The following PARD3B variants were observed in gnomAD, a reference collection of about 807,000 sequenced individuals.
The protein encoded by PARD3B is par-3 family cell polarity regulator beta, also known as partitioning defective 3 homolog B.
In PARD3B, 103 loss-of-function variants were observed where a neutral mutation model predicts 130.2. The ratio of observed to expected loss-of-function variants is 0.79; its 90% confidence interval spans 0.67 to 0.93. The LOEUF (loss-of-function observed/expected upper bound fraction) is 0.93, where lower values mean the gene tolerates loss of function less well. PARD3B is among the 40% of genes least tolerant of loss of function. The probability of loss-of-function intolerance (pLI) is 0.00; values close to 1 mark genes in which losing one functional copy is unlikely to be tolerated. For missense variants in PARD3B, 1,609 were observed against 1,499.2 expected (o/e 1.07, Z -1.21); for synonymous variants, 583 against 553.2 (o/e 1.05, Z -0.76).
intron 15 of PARD3B, among the ~76,000 whole-genome samples, chr2:205,242,888 C>T (rs766911069): frequency 2.6e-5 from 4 of 152,060 alleles, no homozygotes; most frequent in South Asian, 2.1e-4. Context: ...ACTTAGTGGC[C>T]GGGCGCAGTG....
In PARD3B at chr2:205,440,350, A is replaced by G. The variant is rs1227940854; in HGVS notation, c.2742-20A>G. 14 of 1,609,336 alleles carry G rather than the reference A, an allele frequency of 8.7e-6. 1 individual carries two copies. The Admixed American group carries it at 1.8e-4, about 21-fold the overall frequency. ...TATGAAACTCACATACATCTTTGCT[A>G]CCTGTACTGTATTTTTCAGGATTGG... On this transcript the variant is annotated intron_variant, in intron 19 of 22. Transcript: ENST00000406610. This position sits in a 1 kb window ranked among gnomAD's most constrained non-coding sequence, Gnocchi z 4.2.
In PARD3B at chr2:205,501,927, C is replaced by A. The variant is rs541777678; in HGVS notation, c.3180+1896C>A. On this transcript the variant is annotated intron_variant, in intron 21 of 22. Coordinates refer to ENST00000406610, the MANE Select transcript of PARD3B (RefSeq NM_001302769.2). ...TATCTCTAGTTTAATTTGTGTTTCC[C>A]ATGCTCCGGTGTGTTGAGCTCTGCC... 2.0e-5 allele frequency among the ~76,000 whole-genome samples: 3 copies of A among 152,202 alleles called. No individual in the cohort carries two copies. The East Asian group carries it at 5.8e-4, about 29-fold the overall frequency.
chr2:205,321,143 G>T lies in PARD3B; in HGVS notation c.2630+19442G>T, dbSNP rs146913758. On this transcript the variant is annotated intron_variant, in intron 18 of 22. Coordinates refer to ENST00000406610, the MANE Select transcript of PARD3B (RefSeq NM_001302769.2). The surrounding 1 kb of genome is among the most constrained non-coding windows in gnomAD (Gnocchi z 4.2). Reference sequence around the variant, plus strand: ...TAAAACATTAATATAGTTTAGAGATGATAGTTTTTGTAATATATGTTGCCA... The same window carrying T: ...TAAAACATTAATATAGTTTAGAGATTATAGTTTTTGTAATATATGTTGCCA... Among the ~76,000 whole-genome samples the T allele has an allele frequency of 4.9e-3, 750 of 152,280 alleles. 5 individuals are homozygous for T. Among genetic ancestry groups the T allele is most frequent in the African/African-American group, 0.017 (703 of 41,554 alleles).
chr2:205,019,868 G>A (rs915198416), intron 3 of PARD3B, among the ~76,000 whole-genome samples: 1 of 152,112 alleles, frequency 6.6e-6, no homozygotes, highest in Non-Finnish European at 1.5e-5. Context: ...GAGAGAATAG[G>A]GCATGGCAGA....
At chr2:204,649,744 A>G (rs1574618173) in intron 1 of PARD3B, among the ~76,000 whole-genome samples, 1 of 152,134 alleles carries the variant, frequency 6.6e-6, no homozygotes, top group Non-Finnish European at 1.5e-5. Context: ...ACCTTCCTTA[A>G]ACCATATACA....
At chr2:204,696,936 A>G (rs1193915306) in intron 2 of PARD3B, among the ~76,000 whole-genome samples, 1 of 152,110 alleles carries the variant, frequency 6.6e-6, no homozygotes, top group Non-Finnish European at 1.5e-5. Flanking sequence ...GTTCAGAAAT[A>G]ATGTCTTCAT....
At chr2:204,930,959 A>G (rs764701044) in intron 2 of PARD3B, among the ~76,000 whole-genome samples, 4 of 152,152 alleles carry the variant, frequency 2.6e-5, no homozygotes, top group Non-Finnish European at 5.9e-5. Flanking sequence ...CTCAGGGCAC[A>G]GATGATAATA....
At chr2:204,735,686 A>C (rs2039714721) in intron 2 of PARD3B, among the ~76,000 whole-genome samples, 1 of 152,188 alleles carries the variant, frequency 6.6e-6, no homozygotes, top group Non-Finnish European at 1.5e-5. Flanking sequence ...AAATTTTAAA[A>C]TATGGATGGG....
rs545221691 is a variant in PARD3B at position 205,577,771 on chromosome 2, C to T, written c.3260+24368C>T. On this transcript the variant is annotated intron_variant, in intron 22 of 22. Transcript: ENST00000406610. ...GTGTCTCCAAGAGTGTTCAAGTCTC[C>T]CTGCTCTCATCAGATGGTTCAATGC... Among the ~76,000 whole-genome samples, 7 of 152,144 alleles carry T rather than the reference C, an allele frequency of 4.6e-5. No homozygotes were observed. The East Asian group carries it at 1.4e-3, about 29-fold the overall frequency.
intron 2 of PARD3B, among the ~76,000 whole-genome samples, chr2:204,749,936 TG>T (rs1214957790): frequency 6.6e-6 from 1 of 152,234 alleles, no homozygotes; most frequent in Non-Finnish European, 1.5e-5. Context: ...TAAAAACATT[TG>T]GCTTTTTTGC....
intron 18 of PARD3B, chr2:205,347,730 T>C (rs2043845593): frequency 6.6e-6 from 1 of 152,300 alleles, no homozygotes; most frequent in South Asian, 2.1e-4. Flanking sequence ...AACCTACTGA[T>C]ATGTGTGTTA....
In PARD3B at chr2:205,238,937, CATAT is replaced by C. The variant is rs57497696; in HGVS notation, c.2141-6826_2141-6823del. 9.9e-3 allele frequency among the ~76,000 whole-genome samples: 915 copies of C among 92,752 alleles called. 17 individuals carry two copies. The highest frequency in any genetic ancestry group is 0.034 in the African/African-American group (853 of 24,840). The allele number at this position is 92,752 out of a possible 152,430, so 60.8% of individuals were successfully genotyped here. On this transcript the variant is annotated intron_variant, in intron 15 of 22. Coordinates refer to ENST00000406610, the MANE Select transcript of PARD3B (RefSeq NM_001302769.2). ...ATGTGTATATATATATATGTATGTG[CATAT>C]ATATATATATATATCTGATGTGCTA...
At chr2:204,761,283 A>G (rs2040887021) in intron 2 of PARD3B, among the ~76,000 whole-genome samples, 1 of 152,198 alleles carries the variant, frequency 6.6e-6, no homozygotes, top group Non-Finnish European at 1.5e-5. Context: ...ATTAAGGTTC[A>G]GTAATTAAAA....
intron 2 of PARD3B, among the ~76,000 whole-genome samples, chr2:204,815,070 T>C (rs144225742): frequency 2.0e-5 from 3 of 152,060 alleles, no homozygotes; most frequent in East Asian, 3.9e-4. Context: ...GCTGGCCTCA[T>C]AGAATGAGTC....
intron 1 of PARD3B, among the ~76,000 whole-genome samples, chr2:204,663,066 A>G (rs1185099706): frequency 6.6e-6 from 1 of 152,210 alleles, no homozygotes; most frequent in Non-Finnish European, 1.5e-5. Context: ...CCATATAGGT[A>G]TCTTTACATT....
chr2:205,438,145 C>T (rs542768678), intron 19 of PARD3B, among the ~76,000 whole-genome samples: 3 of 152,232 alleles, frequency 2.0e-5, no homozygotes, highest in African/African-American at 7.2e-5. Flanking sequence ...GTTACTGAAA[C>T]ACTCACTGGT....
At chr2:204,790,210 C>G (rs895241752) in intron 2 of PARD3B, among the ~76,000 whole-genome samples, 10 of 152,116 alleles carry the variant, frequency 6.6e-5, no homozygotes, top group Non-Finnish European at 1.5e-4. Flanking sequence ...CAATTTAGAC[C>G]TCTTGAGTTG....
intron 1 of PARD3B, among the ~76,000 whole-genome samples, chr2:204,674,030 C>A (rs888316793): frequency 6.6e-6 from 1 of 152,052 alleles, no homozygotes; most frequent in Non-Finnish European, 1.5e-5. Flanking sequence ...CTGAGCCCGT[C>A]CCCCTACTTT....
intron 20 of PARD3B, among the ~76,000 whole-genome samples, chr2:205,454,588 C>G (rs2048209090): frequency 1.3e-5 from 2 of 152,044 alleles, no homozygotes; most frequent in Non-Finnish European, 2.9e-5. Context: ...TGGATTTTCC[C>G]AAACTTGGCC....
Sources: gnomAD v4.1 joint callset for allele counts (sites outside exome capture counted in the v4.1 genomes callset) on GRCh38, gnomAD v4.1.1 for gene constraint, Gnocchi (gnomAD v3.1) non-coding constraint, MANE v1.5 for transcripts, NCBI Gene and HGNC (gene_info 2026-07-23, HGNC 2026-07-21) for gene names.